SPECC1: variants seen among roughly 807,000 people sequenced by gnomAD.
The protein encoded by SPECC1 is sperm antigen with calponin homology and coiled-coil domains 1, also known as cytospin-B.
In SPECC1, 62 loss-of-function variants were observed where a neutral mutation model predicts 104.1. The ratio of observed to expected loss-of-function variants is 0.60; its 90% CI spans 0.49 to 0.74. SPECC1 has a LOEUF of 0.74. SPECC1 is among the 30% of genes least tolerant of loss of function. The pLI, the probability that SPECC1 is intolerant of heterozygous loss-of-function variation, is 0.00. For synonymous variants in SPECC1, 513 were observed against 501.6 expected, an observed-to-expected ratio of 1.02 and a Z score of -0.30; for missense variants, 1,306 against 1,310.5, an observed-to-expected ratio of 1.00 and a Z score of 0.05.
intron 2 of SPECC1, among the ~76,000 whole-genome samples, chr17:20,100,914 T>C (rs1423691358): frequency 6.6e-6 from 1 of 152,324 alleles, no homozygotes; most frequent in East Asian, 1.9e-4. Context: ...GAACATGCAG[T>C]GTCTGGTTTT....
chr17:20,072,977 C>T (rs1331102305), intron 1 of SPECC1, among the ~76,000 whole-genome samples: 1 of 152,100 alleles, frequency 6.6e-6, no homozygotes, highest in African/African-American at 2.4e-5. Flanking sequence ...TACTCTAGGC[C>T]ATCCGTAGTA....
At chr17:20,195,914 T>G (rs1227886922) in intron 3 of SPECC1, among the ~76,000 whole-genome samples, 8 of 152,198 alleles carry the variant, frequency 5.3e-5, no homozygotes, top group African/African-American at 1.9e-4. Flanking sequence ...CAATTTTAAT[T>G]TATAGAAAAG....
chr17:20,022,710 TC>T (rs1292348904), intron 1 of SPECC1, among the ~76,000 whole-genome samples: 1 of 152,220 alleles, frequency 6.6e-6, no homozygotes, highest in Non-Finnish European at 1.5e-5. Context: ...TACCCACCTG[TC>T]CTCACTCATT....
At position 20,049,213 on chromosome 17, in the gene SPECC1, C is replaced by T. The variant is rs146585292; in HGVS notation, c.-22+39789C>T. On this transcript the variant is annotated intron_variant, in intron 1 of 14. Transcript: ENST00000395527. ...GAGAGTGCCAGTCTCCTCACATTCT[C>T]ACCAACATGATGATGTTTGAAGTTT... Among the ~76,000 whole-genome samples the T allele has an allele frequency of 2.2e-3, 329 of 152,294 alleles. 2 individuals carry two copies. Among genetic ancestry groups the T allele is most frequent in the African/African-American group, 7.3e-3 (305 of 41,546 alleles).
intron 3 of SPECC1, among the ~76,000 whole-genome samples, chr17:20,118,933 C>T (rs1359750836): frequency 6.6e-6 from 1 of 152,076 alleles, no homozygotes; most frequent in Non-Finnish European, 1.5e-5. Flanking sequence ...TGCTCCTTTG[C>T]ACAGGATTCT....
Position 20,204,684 on chromosome 17 carries a change from T to C in SPECC1, c.635T>C (p.Val212Ala), listed in dbSNP as rs1330127597. 1 of 1,613,726 alleles carries C rather than the reference T, an allele frequency of 6.2e-7. No individual in the cohort carries two copies. Among genetic ancestry groups the C allele is most frequent in the Admixed American group, 1.7e-5 (1 of 59,892 alleles). Reference protein sequence around the residue: ...AEGTDALGPNVDGTSVSPGDT... With the variant: ...AEGTDALGPNADGTSVSPGDT... ...GGGACTGATGCTTTGGGCCCAAATG[T>C]CGATGGAACATCAGTCTCCCCAGGT... Residue 212 changes from valine to alanine, a missense_variant, in exon 4 of 15, where the codon GTC becomes GCC. Physicochemically the swap from Val to Ala is moderately conservative, Grantham distance 64 (BLOSUM62 0). Transcript: ENST00000395527.
chr17:20,157,435 C>T (rs999936482), intron 3 of SPECC1, among the ~76,000 whole-genome samples: 1 of 151,942 alleles, frequency 6.6e-6, no homozygotes, highest in Non-Finnish European at 1.5e-5. Context: ...GCAGAATAAC[C>T]AACAATAAGC....
chr17:20,028,316 A>G (rs1293077927), intron 1 of SPECC1, among the ~76,000 whole-genome samples: 1 of 152,002 alleles, frequency 6.6e-6, no homozygotes, highest in Non-Finnish European at 1.5e-5. Context: ...TATTTGTTGA[A>G]AAGAATGGTC....
At chr17:20,108,800 T>G (rs2048348859) in intron 2 of SPECC1, among the ~76,000 whole-genome samples, 1 of 152,230 alleles carries the variant, frequency 6.6e-6, no homozygotes, top group African/African-American at 2.4e-5. Context: ...TTGCTTCTCT[T>G]GGGTGCGGAT....
intron 12 of SPECC1, among the ~76,000 whole-genome samples, chr17:20,296,012 C>G (rs959362770): frequency 1.3e-5 from 2 of 152,222 alleles, no homozygotes; most frequent in African/African-American, 4.8e-5. Flanking sequence ...TGTGCAGAAA[C>G]TCTTTAGTTT....
chr17:20,232,158 C>T, intron 6 of SPECC1, 42 bp from the exon 7 acceptor site: 2 of 1,606,906 alleles, frequency 1.2e-6, no homozygotes, highest in Non-Finnish European at 1.7e-6. Flanking sequence ...GGCACTGGCC[C>T]TGGCAGGCGT....
intron 3 of SPECC1, among the ~76,000 whole-genome samples, chr17:20,161,067 C>T (rs185870683): frequency 1.6e-3 from 242 of 152,188 alleles, no homozygotes; most frequent in Admixed American, 3.9e-3. Context: ...AAAAATTAGT[C>T]GAGTGCGGTG....
chr17:20,047,975 A>G (rs1400113561), intron 1 of SPECC1, among the ~76,000 whole-genome samples: 1 of 152,076 alleles, frequency 6.6e-6, no homozygotes, highest in Non-Finnish European at 1.5e-5. Context: ...CGTAATGTTC[A>G]TCAGATAATG....
In SPECC1 at chr17:20,044,180, C is replaced by G. The variant is rs534678732; in HGVS notation, c.-22+34756C>G. Reference sequence around the variant, plus strand: ...TCTCACAGTGGAAATGTTCATAGGCCCTGGGCAGATTATTCAGTGTTTCAG... The same window carrying G: ...TCTCACAGTGGAAATGTTCATAGGCGCTGGGCAGATTATTCAGTGTTTCAG... On this transcript the variant is annotated intron_variant, in intron 1 of 14. Transcript: ENST00000395527. 1.1e-4 allele frequency among the ~76,000 whole-genome samples: 17 copies of G among 151,914 alleles called. No individual in the cohort carries two copies. The South Asian group carries it at 3.3e-3, about 30-fold the overall frequency.
chr17:20,301,194 A>T (rs2041565759), intron 13 of SPECC1, among the ~76,000 whole-genome samples: 1 of 152,088 alleles, frequency 6.6e-6, no homozygotes, highest in African/African-American at 2.4e-5. Context: ...CAACAGGCAG[A>T]CTCGTACCAT....
chr17:20,259,063 G>T (rs1334118554), intron 11 of SPECC1, among the ~76,000 whole-genome samples: 1 of 152,214 alleles, frequency 6.6e-6, no homozygotes, highest in East Asian at 1.9e-4. Context: ...TAGTTTAGGA[G>T]TAATAGCTTT....
chr17:20,195,229 T>C lies in SPECC1; in HGVS notation c.284-9104T>C, dbSNP rs114324879. ...GTTCTATAATTGATTATAAACCACCTTCTAAAGGAGATTAAAACAAGACAG... is the reference window on the plus strand; with the variant it reads ...GTTCTATAATTGATTATAAACCACCCTCTAAAGGAGATTAAAACAAGACAG... On this transcript the variant is annotated intron_variant, in intron 3 of 14. Transcript: ENST00000395527. Among the ~76,000 whole-genome samples the C allele has an allele frequency of 1.6e-3, 247 of 152,304 alleles. 1 individual carries two copies. Among genetic ancestry groups the C allele is most frequent in the African/African-American group, 5.8e-3 (241 of 41,574 alleles).
At chr17:20,254,150 T>C (rs1282078165) in intron 10 of SPECC1, among the ~76,000 whole-genome samples, 3 of 150,274 alleles carry the variant, frequency 2.0e-5, no homozygotes, top group Non-Finnish European at 4.4e-5. Context: ...TGTGTGTGTG[T>C]GTGTGTGTGT....
chr17:20,239,911 A>G (rs1351619162), intron 7 of SPECC1, among the ~76,000 whole-genome samples: 11 of 95,522 alleles, frequency 1.2e-4, no homozygotes, highest in Non-Finnish European at 1.6e-4. Context: ...TTTTTTTTTT[A>G]AAGACAGGGC....
Sources: allele counts gnomAD v4.1 joint callset (sites outside exome capture counted in the v4.1 genomes callset), GRCh38; gene constraint gnomAD v4.1.1; transcripts MANE v1.5; gene names NCBI Gene and HGNC (gene_info 2026-07-23, HGNC 2026-07-21).